RAP1A: variants seen among roughly 807,000 people sequenced by gnomAD.
RAP1A encodes RAP1A, member of RAS oncogene family, also known as ras-related protein Rap-1A.
Under a neutral mutation model 26.4 loss-of-function variants are expected in RAP1A, and 6 were observed. The ratio of observed to expected loss-of-function variants is 0.23; its 90% CI spans 0.12 to 0.45. RAP1A has a LOEUF of 0.45. Among genes scored for constraint, RAP1A ranks in the 20% least tolerant of loss-of-function variants. RAP1A has a pLI of 0.99. For synonymous variants in RAP1A, 73 were observed against 79.4 expected, an observed-to-expected ratio of 0.92 and a Z score of 0.43; for missense variants, 121 against 217.2, an observed-to-expected ratio of 0.56 and a Z score of 2.78.
chr1:111,580,240 G>C (rs1166822871), intron 1 of RAP1A, among the ~76,000 whole-genome samples: 1 of 152,152 alleles, frequency 6.6e-6, no homozygotes, highest in Non-Finnish European at 1.5e-5. Flanking sequence ...TTTGTATTAG[G>C]TAAACTAAGG....
intron 1 of RAP1A, among the ~76,000 whole-genome samples, chr1:111,651,499 C>T (rs1481297591): frequency 9.1e-5 from 11 of 120,244 alleles, no homozygotes; most frequent in African/African-American, 3.1e-4. Flanking sequence ...TTTTTTTAGA[C>T]AGAGTCTCGC....
At chr1:111,605,407 A>G (rs1658750673) in intron 1 of RAP1A, among the ~76,000 whole-genome samples, 1 of 152,238 alleles carries the variant, frequency 6.6e-6, no homozygotes, top group Non-Finnish European at 1.5e-5. Flanking sequence ...GAGGCTAAGC[A>G]TACATAATTT....
chr1:111,699,013 A>G (rs1387341457), intron 4 of RAP1A, among the ~76,000 whole-genome samples: 2 of 151,986 alleles, frequency 1.3e-5, no homozygotes, highest in African/African-American at 4.8e-5. Flanking sequence ...GTAAGAAGGA[A>G]GTTCTCTATC....
intron 1 of RAP1A, among the ~76,000 whole-genome samples, chr1:111,633,150 T>C (rs930951944): frequency 6.6e-6 from 1 of 152,156 alleles, no homozygotes; most frequent in African/African-American, 2.4e-5. Context: ...GTATGACAGG[T>C]CTATAAAAGA....
chr1:111,559,680 A>T (rs947302870), intron 1 of RAP1A, among the ~76,000 whole-genome samples: 1 of 152,214 alleles, frequency 6.6e-6, no homozygotes, highest in Non-Finnish European at 1.5e-5. Flanking sequence ...TTAATATTTA[A>T]AACATCCATG....
chr1:111,554,681 GTCT>G (rs1657407871), intron 1 of RAP1A, among the ~76,000 whole-genome samples: 1 of 152,216 alleles, frequency 6.6e-6, no homozygotes, highest in Non-Finnish European at 1.5e-5. Context: ...AGGTCCAAAA[GTCT>G]TCTCTTGAGA....
chr1:111,660,545 C>G (rs191459345), intron 1 of RAP1A, among the ~76,000 whole-genome samples: 29 of 152,256 alleles, frequency 1.9e-4, no homozygotes, highest in African/African-American at 7.0e-4. Flanking sequence ...TTCTTACTAC[C>G]TGCACTGCTA....
chr1:111,550,181 C>T (rs1261956465), intron 1 of RAP1A, among the ~76,000 whole-genome samples: 2 of 152,148 alleles, frequency 1.3e-5, no homozygotes, highest in Non-Finnish European at 2.9e-5. Context: ...GGTGCCTGCT[C>T]TCATTCCTGA....
At chr1:111,660,241 C>G (rs984272311) in intron 1 of RAP1A, among the ~76,000 whole-genome samples, 1 of 152,140 alleles carries the variant, frequency 6.6e-6, no homozygotes, top group African/African-American at 2.4e-5. Context: ...TCTCTTCTTG[C>G]TTTCCTGGTT....
intron 1 of RAP1A, among the ~76,000 whole-genome samples, chr1:111,660,539 T>C (rs1660598353): frequency 6.6e-6 from 1 of 152,224 alleles, no homozygotes; most frequent in South Asian, 2.1e-4. Context: ...AACCAATTCT[T>C]ACTACCTGCA....
intron 1 of RAP1A, among the ~76,000 whole-genome samples, chr1:111,634,437 C>G (rs867079740): frequency 2.0e-5 from 3 of 151,110 alleles, no homozygotes; most frequent in African/African-American, 7.3e-5. Flanking sequence ...AAATATATAT[C>G]TATTCATATG....
At chr1:111,615,594 A>G (rs1158287842), upstream of RAP1A, among the ~76,000 whole-genome samples, 1 of 152,144 alleles carries the variant, frequency 6.6e-6, no homozygotes, top group Non-Finnish European at 1.5e-5. Flanking sequence ...GCACTTTGGG[A>G]GGCTGAGGCA....
At chr1:111,560,182 A>G (rs1657672436) in intron 1 of RAP1A, among the ~76,000 whole-genome samples, 3 of 152,200 alleles carry the variant, frequency 2.0e-5, no homozygotes, top group Admixed American at 6.5e-5. Context: ...TAAACACATG[A>G]GATCACAAGA....
At chr1:111,586,548 A>G (rs141382868) in intron 1 of RAP1A, among the ~76,000 whole-genome samples, 118 of 152,300 alleles carry the variant, frequency 7.7e-4, no homozygotes, top group African/African-American at 2.7e-3. Context: ...GTGCTACTGC[A>G]CTCCACCCTG....
chr1:111,643,604 A>G (rs1659961441), intron 1 of RAP1A, among the ~76,000 whole-genome samples: 1 of 152,230 alleles, frequency 6.6e-6, no homozygotes, highest in Admixed American at 6.5e-5. Context: ...CAGAACCATC[A>G]TGGTTCATTG....
intron 6 of RAP1A, among the ~76,000 whole-genome samples, chr1:111,708,908 C>A (rs1662284355): frequency 6.6e-6 from 1 of 152,130 alleles, no homozygotes; most frequent in South Asian, 2.1e-4. Context: ...TTTTCACTAC[C>A]AGTTCTTTTT....
chr1:111,700,806 G>A (rs945655241), intron 4 of RAP1A, among the ~76,000 whole-genome samples: 3 of 151,932 alleles, frequency 2.0e-5, no homozygotes, highest in Non-Finnish European at 4.4e-5. Context: ...CCATGGAGTC[G>A]TCCTTGACTG....
intron 1 of RAP1A, among the ~76,000 whole-genome samples, chr1:111,593,506 G>A (rs1245004943): frequency 6.6e-6 from 1 of 152,058 alleles, no homozygotes; most frequent in Non-Finnish European, 1.5e-5. Flanking sequence ...TCAAAGCTAA[G>A]GCTCCAGGCA....
In RAP1A at chr1:111,709,190, A is replaced by G. The variant is rs1178506561; in HGVS notation, c.510A>G (p.Pro170=). The G allele has an allele frequency of 4.3e-6, 7 of 1,613,882 alleles. No individual in the cohort carries two copies. The highest frequency in any genetic ancestry group is 5.9e-6 in the Non-Finnish European group (7 of 1,179,898). The change falls in exon 7 of 8, where the codon CCA becomes CCG. Residue 170 remains proline, a synonymous_variant. Transcript: ENST00000369709. ...DLVRQINRKT[P]VEKKKPKKKS... Reference sequence around the variant, plus strand: ...TCAGACAGATAAATAGGAAAACACCAGTGGAAAAGAAGAAGCCTAAAAAGA... The same window carrying G: ...TCAGACAGATAAATAGGAAAACACCGGTGGAAAAGAAGAAGCCTAAAAAGA...
Sources: gnomAD v4.1 joint callset for allele counts (sites outside exome capture counted in the v4.1 genomes callset) on GRCh38, gnomAD v4.1.1 for gene constraint, MANE v1.5 for transcripts, NCBI Gene and HGNC (gene_info 2026-07-23, HGNC 2026-07-21) for gene names.